ITIH5: variants seen among roughly 807,000 people sequenced by gnomAD.
The protein encoded by ITIH5 is inter-alpha-trypsin inhibitor heavy chain H5.
ITIH5 carries 65 observed loss-of-function variants against 77.5 expected under a neutral mutation model. That is an observed-to-expected ratio of 0.84 (90% CI 0.69 to 1.03). The LOEUF (loss-of-function observed/expected upper bound fraction) is 1.03. Among genes scored for constraint, ITIH5 ranks in the 50% least tolerant of loss-of-function variants. The pLI is 0.00. For synonymous variants in ITIH5, 525 were observed against 494.3 expected (o/e 1.06, Z -0.82); for missense variants, 1,208 against 1,213.1 (o/e 1.00, Z 0.06).
intron 10 of ITIH5, 118 bp downstream of exon 10, chr10:7,576,335 T>C: frequency 1.1e-6 from 1 of 935,972 alleles, no homozygotes; most frequent in Non-Finnish European, 1.6e-6. Context: ...GGGTTATTGT[T>C]TATAAGTATT....
chr10:7,622,083 T>A (rs1833483259), intron 5 of ITIH5: 1 of 152,156 alleles, frequency 6.6e-6, no homozygotes, highest in South Asian at 2.1e-4. Flanking sequence ...GCATTGGTGA[T>A]CCCATGCAAG....
intron 7 of ITIH5, among the ~76,000 whole-genome samples, chr10:7,597,047 A>AG (rs1832915699): frequency 6.9e-6 from 1 of 144,902 alleles, no homozygotes; most frequent in African/African-American, 2.7e-5. Context: ...TCCAACTCAA[A>AG]AAAAAAAAAA....
At position 7,596,763 on chromosome 10, in the gene ITIH5, C is replaced by T. The variant is rs552934228; in HGVS notation, c.940-10694G>A. On this transcript the variant is annotated intron_variant, in intron 7 of 13. Transcript: ENST00000397146. ...CAATTTAAAATAATCCAGTAAAGGC[C>T]GGGTGCAGTGGCTCATGCCTGTAAT... 7.2e-5 allele frequency among the ~76,000 whole-genome samples: 11 copies of T among 152,044 alleles called. No individual in the cohort carries two copies. The South Asian group carries it at 1.7e-3, about 23-fold the overall frequency.
At chr10:7,589,057 A>G (rs1832740212) in intron 7 of ITIH5, among the ~76,000 whole-genome samples, 1 of 152,202 alleles carries the variant, frequency 6.6e-6, no homozygotes, top group Admixed American at 6.5e-5. Context: ...AAATCTGGGG[A>G]TCTCTTCCAA....
intron 3 of ITIH5, among the ~76,000 whole-genome samples, chr10:7,641,417 T>C (rs1833882822): frequency 6.6e-6 from 1 of 151,972 alleles, no homozygotes; most frequent in Non-Finnish European, 1.5e-5. Context: ...CATTTATCTA[T>C]TGACTGGTTC....
At chr10:7,591,436 G>A (rs1262056069) in intron 7 of ITIH5, among the ~76,000 whole-genome samples, 1 of 152,068 alleles carries the variant, frequency 6.6e-6, no homozygotes. Context: ...CACTTGATAT[G>A]TCCCCTCCTT....
chr10:7,666,858 GACAGCCCCAGGC>G lies in ITIH5; in HGVS notation c.23_34del (p.Cys8_Leu11del). On this transcript the variant is annotated inframe_deletion, in exon 1 of 14. Coordinates refer to ENST00000397146, the MANE Select transcript of ITIH5 (RefSeq NM_030569.7). ...CTCTTCCTGCGACCCCACACACAGG[GACAGCCCCAGGC>G]ACAGCCCCAGCAGCAGGAGCATGGC... 1 of 1,608,070 alleles carries G rather than the reference GACAGCCCCAGGC, an allele frequency of 6.2e-7. No homozygotes were observed. The highest frequency in any genetic ancestry group is 8.5e-7 in the Non-Finnish European group (1 of 1,177,890).
intron 13 of ITIH5, among the ~76,000 whole-genome samples, chr10:7,565,035 CTG>C (rs1375552879): frequency 7.2e-6 from 1 of 139,804 alleles, no homozygotes; most frequent in Non-Finnish European, 1.5e-5. Context: ...CATACATAGA[CTG>C]TATATATATA....
At chr10:7,568,106 A>G (rs11255193) in intron 12 of ITIH5, among the ~76,000 whole-genome samples, 34,601 of 152,026 alleles carry the variant, frequency 0.23, 5,014 homozygotes, top group East Asian at 0.4. Context: ...TGGCTGAATA[A>G]CAAACAGATG....
intron 5 of ITIH5, chr10:7,618,608 C>T (rs940143898): frequency 1.3e-5 from 2 of 152,142 alleles, no homozygotes; most frequent in Admixed American, 6.5e-5. Context: ...CATGTGGAGG[C>T]TTTTTATCCA....
chr10:7,628,468 G>A (rs1034117182), intron 5 of ITIH5, among the ~76,000 whole-genome samples: 15 of 149,172 alleles, frequency 1.0e-4, no homozygotes, highest in Middle Eastern at 3.3e-3. Flanking sequence ...GCCTGTATCC[G>A]TGCTGCGGCA....
intron 3 of ITIH5, among the ~76,000 whole-genome samples, chr10:7,641,252 G>A (rs944326517): frequency 6.6e-6 from 1 of 152,142 alleles, no homozygotes; most frequent in Non-Finnish European, 1.5e-5. Flanking sequence ...GTTCTACACT[G>A]CCTTGTCTTT....
chr10:7,580,380 A>T (rs1347192109), intron 8 of ITIH5, among the ~76,000 whole-genome samples: 1 of 152,198 alleles, frequency 6.6e-6, no homozygotes, highest in Admixed American at 6.5e-5. Context: ...TTGGCCTCCC[A>T]AAGTGCTGGA....
intron 2 of ITIH5, among the ~76,000 whole-genome samples, chr10:7,653,005 T>A (rs1285694645): frequency 6.6e-6 from 1 of 151,986 alleles, no homozygotes; most frequent in African/African-American, 2.4e-5. Flanking sequence ...AAGAAAAAAA[T>A]TCCAAATTCG....
intron 1 of ITIH5, among the ~76,000 whole-genome samples, chr10:7,665,988 G>A (rs1332437186): frequency 6.6e-6 from 1 of 152,162 alleles, no homozygotes; most frequent in Admixed American, 6.5e-5. Flanking sequence ...GAAAAGGTCC[G>A]CCTACTTGTA....
Position 7,560,309 on chromosome 10 carries a change from G to T in ITIH5, c.*2774C>A, listed in dbSNP as rs1330919717. ...GACATATACACTCAATCCAAGGCAT[G>T]TCGTTTAGCCAAAAGTTAAAGTTAA... On this transcript the variant is annotated 3_prime_UTR_variant, in exon 14 of 14. Coordinates refer to ENST00000397146, the MANE Select transcript of ITIH5 (RefSeq NM_030569.7). 1 of 153,016 alleles carries T rather than the reference G, an allele frequency of 6.5e-6. No individual in the cohort carries two copies. Among genetic ancestry groups the T allele is most frequent in the Non-Finnish European group, 1.5e-5 (1 of 68,674 alleles). The allele number at this position is 153,016 out of a possible 1,614,324, so 9.5% of individuals were successfully genotyped here. A position where few individuals can be genotyped will look rare whatever the true frequency, so the allele number is the denominator to read the frequency against.
chr10:7,615,029 C>A (rs1376483743), intron 7 of ITIH5, among the ~76,000 whole-genome samples: 1 of 152,110 alleles, frequency 6.6e-6, no homozygotes, highest in East Asian at 1.9e-4. Flanking sequence ...AGGTGGATAC[C>A]TAAGGTCAGG....
intron 5 of ITIH5, among the ~76,000 whole-genome samples, chr10:7,627,760 C>A (rs370429998): frequency 6.6e-6 from 1 of 151,228 alleles, no homozygotes; most frequent in Non-Finnish European, 1.5e-5. Flanking sequence ...AGATTCTAAC[C>A]ACCTAGAATG....
At chr10:7,664,386 C>T (rs774941734) in intron 1 of ITIH5, among the ~76,000 whole-genome samples, 5 of 139,718 alleles carry the variant, frequency 3.6e-5, no homozygotes, top group Non-Finnish European at 6.1e-5. Context: ...GGCGACACAG[C>T]GAGATTCCGT....
Sources: gnomAD v4.1 joint callset for allele counts (sites outside exome capture counted in the v4.1 genomes callset) on GRCh38, gnomAD v4.1.1 for gene constraint, MANE v1.5 for transcripts, NCBI Gene and HGNC (gene_info 2026-07-23, HGNC 2026-07-21) for gene names.